GALNT14: variants seen among roughly 807,000 people sequenced by gnomAD.
GALNT14 encodes the protein UDP-GalNAc:polypeptide N-acetylgalactosaminyltransferase 14.
A neutral mutation model predicts 77.5 loss-of-function variants in GALNT14; 60 were observed. That is an observed-to-expected ratio of 0.77 (90% CI 0.63 to 0.96). The LOEUF (loss-of-function observed/expected upper bound fraction) is 0.96, where lower values mean the gene tolerates loss of function less well. Ranked by LOEUF, GALNT14 falls within the 40% of genes least tolerant of loss-of-function variation. GALNT14 has a pLI of 0.00. For missense variants in GALNT14, 710 were observed against 731.0 expected, an observed-to-expected ratio of 0.97 and a Z score of 0.33; for synonymous variants, 280 against 281.7, an observed-to-expected ratio of 0.99 and a Z score of 0.06.
chr2:31,131,213 T>C (rs1678976786), intron 1 of GALNT14, among the ~76,000 whole-genome samples: 1 of 152,164 alleles, frequency 6.6e-6, no homozygotes, highest in Admixed American at 6.5e-5. Flanking sequence ...TGATGGGAGC[T>C]AGAGAAGGTG....
chr2:30,924,856 G>A (rs1160903315), intron 11 of GALNT14, 33 bp from the exon 12 acceptor site: 2 of 1,588,666 alleles, frequency 1.3e-6, no homozygotes, highest in African/African-American at 2.7e-5. Flanking sequence ...CAGACACAAA[G>A]ACAAAACACA....
At chr2:31,076,629 A>ATATATATATATATATTT (rs1553373502) in intron 1 of GALNT14, among the ~76,000 whole-genome samples, 2 of 101,890 alleles carry the variant, frequency 2.0e-5, no homozygotes, top group African/African-American at 6.2e-5. Context: ...ATATATATAT[A>ATATATATATATATATTT]TTTTTTTTTT....
intron 1 of GALNT14, among the ~76,000 whole-genome samples, chr2:31,079,699 T>A (rs1290189326): frequency 6.6e-6 from 1 of 152,116 alleles, no homozygotes; most frequent in African/African-American, 2.4e-5. Context: ...GTCATCCCTG[T>A]TGAGGTTAAA....
intron 1 of GALNT14, among the ~76,000 whole-genome samples, chr2:31,036,132 A>G (rs1672724916): frequency 6.6e-6 from 1 of 152,168 alleles, no homozygotes; most frequent in African/African-American, 2.4e-5. Context: ...TTTATATTCA[A>G]TGTAATTAGT....
chr2:30,918,440 C>T (rs973983044), intron 13 of GALNT14, among the ~76,000 whole-genome samples: 3 of 152,202 alleles, frequency 2.0e-5, no homozygotes, highest in Non-Finnish European at 2.9e-5. Flanking sequence ...CAGAGTGGTG[C>T]TTTCCATTAG....
chr2:30,947,764 C>T (rs902773287), intron 6 of GALNT14, among the ~76,000 whole-genome samples: 1 of 152,200 alleles, frequency 6.6e-6, no homozygotes, highest in Non-Finnish European at 1.5e-5. Context: ...AGGTTGTCTT[C>T]TTATTTTAAA....
chr2:31,102,771 G>A (rs921232922), intron 1 of GALNT14, among the ~76,000 whole-genome samples: 5 of 151,964 alleles, frequency 3.3e-5, no homozygotes, highest in South Asian at 2.1e-4. Context: ...GCGTGTTTTC[G>A]TCTATTTTCT....
intron 1 of GALNT14, chr2:31,073,218 T>G (rs1219071600): frequency 6.6e-6 from 1 of 152,146 alleles, no homozygotes; most frequent in African/African-American, 2.4e-5. Flanking sequence ...CTGTGGGATT[T>G]TTGTGAGGTT....
intron 1 of GALNT14, among the ~76,000 whole-genome samples, chr2:31,135,463 T>A (rs1045308062): frequency 6.6e-6 from 1 of 151,104 alleles, no homozygotes; most frequent in African/African-American, 2.4e-5. Flanking sequence ...ACATACACAC[T>A]AAGATACAGA....
intron 9 of GALNT14, among the ~76,000 whole-genome samples, chr2:30,939,699 C>T (rs911347706): frequency 9.2e-5 from 14 of 152,126 alleles, no homozygotes; most frequent in African/African-American, 2.4e-4. Flanking sequence ...GAGAAGGCGA[C>T]GGATGTGAGT....
intron 1 of GALNT14, among the ~76,000 whole-genome samples, chr2:31,108,352 G>T (rs1046205345): frequency 6.6e-6 from 1 of 152,204 alleles, no homozygotes. Flanking sequence ...ACTAAGGAAC[G>T]TATGAATGAA....
chr2:30,905,026 A>T, the GALNT14 span, among the ~76,000 whole-genome samples: 2 of 152,324 alleles, frequency 1.3e-5, no homozygotes, highest in African/African-American at 4.8e-5. Context: ...AAAACTAACA[A>T]ACAGAAAGGA....
At chr2:31,031,971 C>A (rs1672442010) in intron 1 of GALNT14, among the ~76,000 whole-genome samples, 1 of 152,246 alleles carries the variant, frequency 6.6e-6, no homozygotes, top group African/African-American at 2.4e-5. Context: ...CCTCTCGGAA[C>A]TTCTCGCGGC....
intron 1 of GALNT14, among the ~76,000 whole-genome samples, chr2:31,060,224 G>T (rs1468493759): frequency 6.6e-6 from 1 of 152,180 alleles, no homozygotes; most frequent in Non-Finnish European, 1.5e-5. Context: ...TTCTCTGCCA[G>T]GCTGAGCAGA....
At chr2:31,070,603 C>T (rs946624300) in intron 1 of GALNT14, among the ~76,000 whole-genome samples, 2 of 152,230 alleles carry the variant, frequency 1.3e-5, no homozygotes, top group Non-Finnish European at 2.9e-5. Context: ...CAGCCAGGAG[C>T]CAGCACAGCC....
chr2:30,958,172 C>T (rs1297804069), intron 4 of GALNT14, among the ~76,000 whole-genome samples: 4 of 152,152 alleles, frequency 2.6e-5, no homozygotes, highest in Admixed American at 6.6e-5. Context: ...GGAAGAGGGC[C>T]TTAGCTCAGA....
chr2:30,981,656 G>A (rs892385461), intron 2 of GALNT14, among the ~76,000 whole-genome samples: 23 of 152,126 alleles, frequency 1.5e-4, no homozygotes, highest in African/African-American at 5.3e-4. Flanking sequence ...ATCCAGGGCA[G>A]GGGGAGGGGC....
intron 1 of GALNT14, among the ~76,000 whole-genome samples, chr2:31,003,693 T>C (rs1469059622): frequency 5.3e-5 from 8 of 152,268 alleles, no homozygotes; most frequent in Admixed American, 5.2e-4. Context: ...TCCAGCTTTC[T>C]GGAAGAAGAA....
At chr2:31,092,784 G>A (rs1676818306) in intron 1 of GALNT14, among the ~76,000 whole-genome samples, 1 of 152,298 alleles carries the variant, frequency 6.6e-6, no homozygotes, top group South Asian at 2.1e-4. Context: ...ACAATGTAGT[G>A]ATCAATGCAA....
Sources: gnomAD v4.1 joint callset for allele counts (sites outside exome capture counted in the v4.1 genomes callset) on GRCh38, gnomAD v4.1.1 for gene constraint, MANE v1.5 for transcripts, NCBI Gene and HGNC (gene_info 2026-07-23, HGNC 2026-07-21) for gene names.